Variants in RBFOX1 observed in about 807,000 individuals in gnomAD.
RBFOX1 encodes RNA binding fox-1 homolog 1.
RBFOX1 carries 8 observed loss-of-function variants against 57.7 expected under a neutral mutation model. The ratio of observed to expected loss-of-function variants is 0.14; its 90% CI spans 0.08 to 0.25. RBFOX1 has a LOEUF of 0.25. Among genes scored for constraint, RBFOX1 ranks in the 10% least tolerant of loss-of-function variants. The pLI is 1.00. For synonymous variants in RBFOX1, 326 were observed against 222.4 expected, an observed-to-expected ratio of 1.47 and a Z score of -4.15; for missense variants, 611 against 548.5, an observed-to-expected ratio of 1.11 and a Z score of -1.14.
chr16:7,309,033 G>C (rs1038112766), intron 4 of RBFOX1, among the ~76,000 whole-genome samples: 9 of 152,192 alleles, frequency 5.9e-5, no homozygotes, highest in Admixed American at 2.6e-4. Context: ...ACGCAGAAAA[G>C]AATTAGGATA....
intron 1 of RBFOX1, among the ~76,000 whole-genome samples, chr16:6,172,956 C>G (rs554933368): frequency 6.6e-6 from 1 of 152,294 alleles, no homozygotes; most frequent in East Asian, 1.9e-4. Flanking sequence ...CCTGAGGCAT[C>G]CTGCAGACCT....
At chr16:7,441,170 G>C (rs1484577552) in intron 4 of RBFOX1, among the ~76,000 whole-genome samples, 1 of 152,138 alleles carries the variant, frequency 6.6e-6, no homozygotes, top group Non-Finnish European at 1.5e-5. Flanking sequence ...CTCACCATTG[G>C]CCCAGGAAAC....
At chr16:7,220,244 A>C (rs80008006) in intron 4 of RBFOX1, among the ~76,000 whole-genome samples, 20,455 of 152,190 alleles carry the variant, frequency 0.13, 2,198 homozygotes, top group African/African-American at 0.3. Context: ...AGGATAATTC[A>C]ATATAGTACT....
At chr16:7,234,245 C>G (rs959166131) in intron 4 of RBFOX1, among the ~76,000 whole-genome samples, 3 of 151,910 alleles carry the variant, frequency 2.0e-5, no homozygotes, top group Admixed American at 1.3e-4. Flanking sequence ...TTACTCAGGC[C>G]AGGTAATGAA....
At chr16:5,347,048 C>A (rs1282887507) in intron 1 of RBFOX1, among the ~76,000 whole-genome samples, 2 of 152,026 alleles carry the variant, frequency 1.3e-5, no homozygotes, top group African/African-American at 2.4e-5. Flanking sequence ...TTTATCCAGG[C>A]CTTTCCTCAA....
chr16:5,270,122 C>G (rs530679922), intron 1 of RBFOX1: 3 of 264,918 alleles, frequency 1.1e-5, no homozygotes, highest in South Asian at 4.8e-5. Context: ...TGGTGAAACC[C>G]TGTCTCTACC....
chr16:6,314,202 C>G (rs960397549), intron 1 of RBFOX1, among the ~76,000 whole-genome samples: 3 of 152,124 alleles, frequency 2.0e-5, no homozygotes, highest in Admixed American at 6.5e-5. Context: ...CTGTAACCCT[C>G]TGGGGCAAGG....
chr16:6,484,171 C>T (rs750549436), intron 2 of RBFOX1, among the ~76,000 whole-genome samples: 6 of 152,116 alleles, frequency 3.9e-5, no homozygotes, highest in South Asian at 2.1e-4. Context: ...TGTAAAAGTC[C>T]CAATAGGCTA....
chr16:5,817,982 G>A (rs1330684556), intron 3 of RBFOX1, among the ~76,000 whole-genome samples: 1 of 152,118 alleles, frequency 6.6e-6, no homozygotes. Context: ...GAGCCACCGC[G>A]CCTGGCCAGG....
chr16:5,756,757 A>G (rs765415046), intron 3 of RBFOX1, among the ~76,000 whole-genome samples: 1 of 152,158 alleles, frequency 6.6e-6, no homozygotes, highest in Non-Finnish European at 1.5e-5. Flanking sequence ...CCATGAAATC[A>G]ATGGAGATGT....
intron 4 of RBFOX1, among the ~76,000 whole-genome samples, chr16:7,169,572 G>A (rs1335556710): frequency 7.9e-5 from 12 of 152,278 alleles, no homozygotes; most frequent in South Asian, 4.1e-4. Flanking sequence ...ATGATTAATT[G>A]CATCTTCAAC....
chr16:6,052,708 C>A (rs966392106), intron 1 of RBFOX1, among the ~76,000 whole-genome samples: 1 of 151,592 alleles, frequency 6.6e-6, no homozygotes, highest in Non-Finnish European at 1.5e-5. Context: ...GGCGTGAACC[C>A]GGGAGGCGGA....
intron 3 of RBFOX1, among the ~76,000 whole-genome samples, chr16:6,684,787 G>C (rs1299224266): frequency 6.6e-6 from 1 of 152,190 alleles, no homozygotes; most frequent in Non-Finnish European, 1.5e-5. Flanking sequence ...GGAAAGTTTG[G>C]AGGAAAAGAA....
intron 4 of RBFOX1, among the ~76,000 whole-genome samples, chr16:5,879,416 C>T (rs1005454163): frequency 3.9e-5 from 6 of 152,158 alleles, no homozygotes; most frequent in South Asian, 4.1e-4. Context: ...CTGCAACCTC[C>T]GCCTCCCAGG....
At chr16:6,750,649 A>G (rs17671037) in intron 3 of RBFOX1, among the ~76,000 whole-genome samples, 34,275 of 152,140 alleles carry the variant, frequency 0.23, 4,321 homozygotes, top group Non-Finnish European at 0.28. Flanking sequence ...AACACCTGCA[A>G]TTATGCTGGG....
At chr16:6,673,984 G>C (rs1291655891) in intron 3 of RBFOX1, among the ~76,000 whole-genome samples, 2 of 152,146 alleles carry the variant, frequency 1.3e-5, no homozygotes, top group East Asian at 3.9e-4. Context: ...TAGGAAGGGA[G>C]AAACAGTGAG....
chr16:7,340,784 A>G (rs1254224257), intron 4 of RBFOX1, among the ~76,000 whole-genome samples: 2 of 152,242 alleles, frequency 1.3e-5, no homozygotes, highest in South Asian at 2.1e-4. Context: ...TCTGTTTTAT[A>G]TAAATTCACT....
intron 4 of RBFOX1, among the ~76,000 whole-genome samples, chr16:7,466,557 C>T (rs933790439): frequency 4.6e-5 from 7 of 152,248 alleles, no homozygotes; most frequent in African/African-American, 1.2e-4. Context: ...TCTGAGCCTC[C>T]CCAGGAAGAC....
At chr16:7,055,074 A>G (rs2051667827) in intron 4 of RBFOX1, among the ~76,000 whole-genome samples, 2 of 152,232 alleles carry the variant, frequency 1.3e-5, no homozygotes. Context: ...TCTTGAAGAT[A>G]TTAAGGAGTC....
Sources: gnomAD v4.1 joint callset for allele counts (sites outside exome capture counted in the v4.1 genomes callset) on GRCh38, gnomAD v4.1.1 for gene constraint, MANE v1.5 for transcripts, NCBI Gene and HGNC (gene_info 2026-07-23, HGNC 2026-07-21) for gene names.